Variants in FMN1 observed in about 807,000 individuals in gnomAD.
The protein encoded by FMN1 is formin-1.
In FMN1, 110 loss-of-function variants were observed where a neutral mutation model predicts 132.4. That is an observed-to-expected ratio of 0.83 (90% CI 0.71 to 0.97). The LOEUF (loss-of-function observed/expected upper bound fraction) is 0.97. FMN1 is among the 50% of genes least tolerant of loss of function. The pLI is 0.00. For synonymous variants in FMN1, 722 were observed against 651.7 expected (o/e 1.11, Z -1.64); for missense variants, 1,792 against 1,705.3 (o/e 1.05, Z -0.90).
chr15:32,893,542 G>GA (rs2141536546), intron 15 of FMN1, among the ~76,000 whole-genome samples: 1 of 152,346 alleles, frequency 6.6e-6, no homozygotes, highest in Admixed American at 6.5e-5. Flanking sequence ...CCAGGCATGA[G>GA]AATAAGGAAG....
intron 3 of FMN1, among the ~76,000 whole-genome samples, chr15:33,163,481 A>G (rs1207535607): frequency 6.7e-6 from 1 of 149,624 alleles, no homozygotes; most frequent in Non-Finnish European, 1.5e-5. Flanking sequence ...TTTAGTAGAG[A>G]GGGGGTTTCT....
At chr15:33,038,472 A>T (rs1427905577) in intron 6 of FMN1, among the ~76,000 whole-genome samples, 1 of 152,152 alleles carries the variant, frequency 6.6e-6, no homozygotes, top group Non-Finnish European at 1.5e-5. Context: ...AATATTTTCT[A>T]TTAATCACCC....
intron 5 of FMN1, among the ~76,000 whole-genome samples, 190 bp from the exon 6 acceptor site, chr15:33,065,264 G>GA (rs1224736449): frequency 6.6e-6 from 1 of 151,568 alleles, no homozygotes; most frequent in African/African-American, 2.4e-5. Context: ...CAGTTGAGGT[G>GA]AAAATTTAAA....
At chr15:32,820,356 T>G (rs1327257230) in intron 17 of FMN1, among the ~76,000 whole-genome samples, 2 of 152,192 alleles carry the variant, frequency 1.3e-5, no homozygotes, top group African/African-American at 4.8e-5. Flanking sequence ...GAGGCTTTAA[T>G]TCTATTATGA....
intron 17 of FMN1, among the ~76,000 whole-genome samples, chr15:32,839,464 T>C (rs910129469): frequency 4.6e-5 from 7 of 152,002 alleles, no homozygotes; most frequent in African/African-American, 1.7e-4. Flanking sequence ...GTAAACAACT[T>C]GAGCACCAGG....
chr15:32,893,396 G>A (rs937370317), intron 15 of FMN1, among the ~76,000 whole-genome samples: 6 of 152,232 alleles, frequency 3.9e-5, no homozygotes, highest in African/African-American at 1.2e-4. Flanking sequence ...GCTCGTGCGC[G>A]CGCTAGAAAA....
At chr15:33,014,738 C>G (rs2034939119) in intron 6 of FMN1, among the ~76,000 whole-genome samples, 1 of 152,138 alleles carries the variant, frequency 6.6e-6, no homozygotes, top group South Asian at 2.1e-4. Context: ...ACAAACCTTC[C>G]TTTTTGATCA....
At chr15:33,151,835 C>T (rs1168158730) in intron 4 of FMN1, among the ~76,000 whole-genome samples, 1 of 152,082 alleles carries the variant, frequency 6.6e-6, no homozygotes, top group East Asian at 1.9e-4. Flanking sequence ...CCTGGTGAAG[C>T]ATATTGGTTA....
intron 16 of FMN1, among the ~76,000 whole-genome samples, chr15:32,878,451 G>A (rs2059688772): frequency 6.6e-6 from 1 of 152,130 alleles, no homozygotes; most frequent in African/African-American, 2.4e-5. Context: ...CAGGTGAGAA[G>A]GTGGTAGCTT....
intron 15 of FMN1, among the ~76,000 whole-genome samples, chr15:32,896,593 C>T (rs2060163002): frequency 6.6e-6 from 1 of 152,142 alleles, no homozygotes; most frequent in South Asian, 2.1e-4. Flanking sequence ...ATTCCCGCAT[C>T]ATTCATTCTA....
chr15:32,911,124 T>C (rs1175510593), intron 10 of FMN1, among the ~76,000 whole-genome samples: 2 of 152,224 alleles, frequency 1.3e-5, no homozygotes, highest in Admixed American at 6.5e-5. Context: ...CTCATTCCCA[T>C]GGCTTTATTA....
At chr15:33,020,184 G>A (rs1034406903) in intron 6 of FMN1, among the ~76,000 whole-genome samples, 7 of 152,180 alleles carry the variant, frequency 4.6e-5, no homozygotes, top group African/African-American at 1.7e-4. Flanking sequence ...ACTGGCATCC[G>A]AAAGGGGGGC....
At chr15:33,002,375 A>C (rs571537493) in intron 7 of FMN1, among the ~76,000 whole-genome samples, 81 of 152,376 alleles carry the variant, frequency 5.3e-4, no homozygotes, top group Non-Finnish European at 9.3e-4. Flanking sequence ...TAGGTCTGTG[A>C]CAAAAGATGA....
At position 32,798,798 on chromosome 15, in the gene FMN1, C is replaced by T. The variant is rs761898457; in HGVS notation, c.4130+6G>A. ...GGAGGCATTAAAATCTTTTTTTGAA[C>T]CTTACCTTTCTTTAGATATGTTTTT... is the stretch of plus-strand genomic sequence containing the variant. On this transcript the variant is annotated splice_donor_region_variant and intron_variant, in intron 19 of 20. Coordinates refer to ENST00000616417, the MANE Select transcript of FMN1 (RefSeq NM_001277313.2). 9.3e-6 allele frequency: 15 copies of T among 1,607,380 alleles called. No homozygotes were observed. Among genetic ancestry groups the T allele is most frequent in the Non-Finnish European group, 9.3e-6 (11 of 1,176,976 alleles).
At chr15:33,039,109 G>A (rs1012616506) in intron 6 of FMN1, among the ~76,000 whole-genome samples, 2 of 152,044 alleles carry the variant, frequency 1.3e-5, no homozygotes, top group African/African-American at 4.8e-5. Flanking sequence ...AATATAGTAA[G>A]ATTTAAATAA....
chr15:33,109,321 A>G (rs2039607185), intron 4 of FMN1, among the ~76,000 whole-genome samples: 1 of 152,174 alleles, frequency 6.6e-6, no homozygotes, highest in African/African-American at 2.4e-5. Flanking sequence ...AAGGGAAAAT[A>G]AAAATAAACA....
In FMN1 at chr15:32,771,592, G is replaced by A. The variant is rs552914064; in HGVS notation, c.*2718C>T. On this transcript the variant is annotated 3_prime_UTR_variant, in exon 21 of 21. Coordinates refer to ENST00000616417, the MANE Select transcript of FMN1 (RefSeq NM_001277313.2). ...TAAGGGTTCTTAGAGTTACTACTAA[G>A]TCAGGTGTGTCTGGTTAGATGCAGC... 4 of 152,296 alleles carry A rather than the reference G, an allele frequency of 2.6e-5. No homozygotes were observed. The South Asian group carries it at 8.3e-4, about 32-fold the overall frequency. The allele number at this position is 152,296 out of a possible 1,614,324, so 9.4% of individuals were successfully genotyped here. A position where few individuals can be genotyped will look rare whatever the true frequency, so the allele number is the denominator to read the frequency against.
intron 10 of FMN1, among the ~76,000 whole-genome samples, chr15:32,924,382 C>G (rs2060905649): frequency 6.6e-6 from 1 of 152,084 alleles, no homozygotes; most frequent in African/African-American, 2.4e-5. Flanking sequence ...AATTTTAAGT[C>G]CCTAACAATG....
intron 17 of FMN1, among the ~76,000 whole-genome samples, chr15:32,852,285 C>T (rs1356042959): frequency 6.6e-6 from 1 of 152,214 alleles, no homozygotes; most frequent in African/African-American, 2.4e-5. Flanking sequence ...TCCTCTGTTT[C>T]ATTTTGTACA....
Sources: allele counts gnomAD v4.1 joint callset (sites outside exome capture counted in the v4.1 genomes callset), GRCh38; gene constraint gnomAD v4.1.1; transcripts MANE v1.5; gene names NCBI Gene and HGNC (gene_info 2026-07-23, HGNC 2026-07-21).